CFAP299: variants seen among roughly 807,000 people sequenced by gnomAD.
The protein encoded by CFAP299 is cilia and flagella associated protein 299.
A neutral mutation model predicts 27.0 loss-of-function variants in CFAP299; 21 were observed. The observed-to-expected ratio is 0.78, with a 90% CI of 0.55 to 1.12. The LOEUF is 1.12. Among genes scored for constraint, CFAP299 ranks in the 50% most tolerant of loss-of-function variants. CFAP299 has a pLI of 0.00. For missense variants in CFAP299, 310 were observed against 276.6 expected (o/e 1.12, Z -0.86); for synonymous variants, 104 against 98.1 (o/e 1.06, Z -0.36).
intron 3 of CFAP299, among the ~76,000 whole-genome samples, chr4:80,803,776 T>C (rs1253894865): frequency 6.6e-6 from 1 of 150,848 alleles, no homozygotes; most frequent in Non-Finnish European, 1.5e-5. Context: ...TATTATATTT[T>C]CTGCAACGTT....
chr4:80,837,476 C>T (rs1366450683), intron 3 of CFAP299, among the ~76,000 whole-genome samples: 1 of 152,118 alleles, frequency 6.6e-6, no homozygotes, highest in African/African-American at 2.4e-5. Context: ...TGATGTTCCC[C>T]TCCCTGTGTC....
At chr4:80,764,038 G>A (rs1725700092) in intron 3 of CFAP299, among the ~76,000 whole-genome samples, 1 of 152,084 alleles carries the variant, frequency 6.6e-6, no homozygotes, top group African/African-American at 2.4e-5. Context: ...CAGGACATAG[G>A]CATGGATAAA....
At chr4:80,633,100 A>G (rs1739293717) in intron 3 of CFAP299, among the ~76,000 whole-genome samples, 1 of 152,222 alleles carries the variant, frequency 6.6e-6, no homozygotes, top group Admixed American at 6.5e-5. Context: ...ATTTCTTCTT[A>G]CAAGTGAGAA....
At chr4:80,618,733 A>G (rs1310455654) in intron 3 of CFAP299, among the ~76,000 whole-genome samples, 1 of 152,100 alleles carries the variant, frequency 6.6e-6, no homozygotes, top group Admixed American at 6.6e-5. Flanking sequence ...CTAAACTAAA[A>G]GATACATTAC....
intron 3 of CFAP299, among the ~76,000 whole-genome samples, chr4:80,685,019 A>C (rs1189439497): frequency 6.6e-6 from 1 of 152,204 alleles, no homozygotes; most frequent in African/African-American, 2.4e-5. Flanking sequence ...ATTACATATA[A>C]TTTAAATATA....
intron 3 of CFAP299, among the ~76,000 whole-genome samples, chr4:80,808,180 T>C (rs1728961708): frequency 6.6e-6 from 1 of 152,126 alleles, no homozygotes; most frequent in Admixed American, 6.6e-5. Context: ...TAGTGAAATA[T>C]CAAGTTAAAC....
chr4:80,793,546 A>G (rs1055052561), intron 3 of CFAP299, among the ~76,000 whole-genome samples: 1 of 152,094 alleles, frequency 6.6e-6, no homozygotes, highest in Non-Finnish European at 1.5e-5. Context: ...CCCCATACAC[A>G]TTGCCTGAGA....
chr4:80,843,957 T>C (rs1347628430), intron 3 of CFAP299, among the ~76,000 whole-genome samples: 1 of 151,870 alleles, frequency 6.6e-6, no homozygotes, highest in African/African-American at 2.4e-5. Context: ...CCTGTGTCCA[T>C]GTGTTCTCAT....
chr4:80,893,102 A>G (rs1368680417), intron 4 of CFAP299, among the ~76,000 whole-genome samples: 1 of 151,934 alleles, frequency 6.6e-6, no homozygotes, highest in African/African-American at 2.4e-5. Flanking sequence ...AACTATCTAA[A>G]GAAGAAATTT....
intron 3 of CFAP299, among the ~76,000 whole-genome samples, chr4:80,759,989 C>T (rs1178034441): frequency 6.6e-6 from 1 of 151,814 alleles, no homozygotes; most frequent in Non-Finnish European, 1.5e-5. Context: ...TTTTCTCTGG[C>T]CTTGGAAATG....
intron 2 of CFAP299, among the ~76,000 whole-genome samples, chr4:80,511,548 A>T (rs762319849): frequency 3.3e-5 from 5 of 152,170 alleles, no homozygotes; most frequent in Non-Finnish European, 7.4e-5. Flanking sequence ...TTAAATGAAT[A>T]TGACTGACAC....
rs181362934 is a variant in CFAP299, at chr4:80,857,320, T to A, written c.334-12673T>A. Among the ~76,000 whole-genome samples the A allele has an allele frequency of 2.7e-4, 41 of 152,304 alleles. No individual in the cohort carries two copies. In the East Asian group the frequency reaches 7.1e-3, roughly 27 times the overall value. ...AGATTTTGGGCTGAGACAATGGGGT[T>A]TTCTAGATTTTACAATCATGTCATC... is the stretch of plus-strand genomic sequence containing the variant. On this transcript the variant is annotated intron_variant, in intron 3 of 5. Transcript: ENST00000358105.
At chr4:80,789,357 G>A (rs1727422906) in intron 3 of CFAP299, among the ~76,000 whole-genome samples, 1 of 151,934 alleles carries the variant, frequency 6.6e-6, no homozygotes, top group Non-Finnish European at 1.5e-5. Flanking sequence ...GTATATTTGG[G>A]TCAAGGTTTA....
chr4:80,908,903 A>G (rs1735319518), intron 4 of CFAP299, among the ~76,000 whole-genome samples: 1 of 151,644 alleles, frequency 6.6e-6, no homozygotes, highest in Admixed American at 6.6e-5. Flanking sequence ...CATACACGCA[A>G]GCACACACAC....
At chr4:80,407,164 T>TA (rs552687730) in intron 2 of CFAP299, among the ~76,000 whole-genome samples, 58 of 147,738 alleles carry the variant, frequency 3.9e-4, no homozygotes, top group East Asian at 9.8e-4. Flanking sequence ...AGTATAGGTT[T>TA]AAAAAAAAAA....
chr4:80,358,966 C>G (rs1723410730), intron 1 of CFAP299, among the ~76,000 whole-genome samples: 1 of 152,098 alleles, frequency 6.6e-6, no homozygotes, highest in Non-Finnish European at 1.5e-5. Flanking sequence ...ATGGTCTTTC[C>G]TTTCCATATT....
At chr4:80,426,088 A>T (rs1348652881) in intron 2 of CFAP299, among the ~76,000 whole-genome samples, 4 of 152,010 alleles carry the variant, frequency 2.6e-5, no homozygotes, top group Non-Finnish European at 5.9e-5. Context: ...TGACCACCAA[A>T]GACAGCCTAA....
chr4:80,525,681 C>T (rs1733142173), intron 2 of CFAP299, among the ~76,000 whole-genome samples: 1 of 152,132 alleles, frequency 6.6e-6, no homozygotes, highest in African/African-American at 2.4e-5. Flanking sequence ...TCAGCGCCAG[C>T]CATCTCAGCT....
chr4:80,449,615 T>C (rs1728802363), intron 2 of CFAP299, among the ~76,000 whole-genome samples: 1 of 151,800 alleles, frequency 6.6e-6, no homozygotes, highest in Admixed American at 6.6e-5. Flanking sequence ...TTTTAAATTA[T>C]GATCATGTTA....
Sources: gnomAD v4.1 joint callset for allele counts (sites outside exome capture counted in the v4.1 genomes callset) on GRCh38, gnomAD v4.1.1 for gene constraint, MANE v1.5 for transcripts, NCBI Gene and HGNC (gene_info 2026-07-23, HGNC 2026-07-21) for gene names.